The following CACNA1D variants were observed in gnomAD, a reference collection of about 807,000 sequenced individuals.
CACNA1D encodes the protein voltage-dependent L-type calcium channel subunit alpha-1D.
In CACNA1D, 55 loss-of-function variants were observed where a neutral mutation model predicts 257.1. The ratio of observed to expected loss-of-function variants is 0.21; its 90% confidence interval spans 0.17 to 0.27. CACNA1D has a LOEUF of 0.27. CACNA1D is among the 10% of genes least tolerant of loss of function. CACNA1D has a pLI of 1.00. For missense variants in CACNA1D, 1,876 were observed against 2,784.0 expected, an observed-to-expected ratio of 0.67 and a Z score of 7.34; for synonymous variants, 980 against 1,014.9, an observed-to-expected ratio of 0.97 and a Z score of 0.65.
At chr3:53,505,659 G>A (rs2090813084) in intron 3 of CACNA1D, among the ~76,000 whole-genome samples, 1 of 152,208 alleles carries the variant, frequency 6.6e-6, no homozygotes, top group Admixed American at 6.5e-5. Context: ...CCTTAGCTGG[G>A]AATGAGTGGG....
At chr3:53,520,878 CTTTCTTTCTTTCTTTCT>C (rs1463286893) in intron 3 of CACNA1D, among the ~76,000 whole-genome samples, 3 of 82,096 alleles carry the variant, frequency 3.7e-5, no homozygotes, top group African/African-American at 2.2e-4. Context: ...TTCTTTCTTT[CTTTCTTTCTTTCTTTCT>C]TTTCTTTTCT....
chr3:53,647,777 G>A (rs560514071), intron 3 of CACNA1D, among the ~76,000 whole-genome samples: 2 of 152,296 alleles, frequency 1.3e-5, no homozygotes, highest in South Asian at 4.1e-4. Flanking sequence ...ATTGAGGACC[G>A]GGATGACATT....
In CACNA1D at chr3:53,811,223, T is replaced by C. The variant is rs1559734235; in HGVS notation, c.6303T>C (p.Ser2101=). The part of the protein sequence containing the change: ...ACDLTIDEME[S]AASTLLNGNV... ...ACCTCACCATCGACGAGATGGAGAG[T>C]GCAGCCAGCACCCTGCTTAATGGGA... is the stretch of plus-strand genomic sequence containing the variant. The change falls in exon 48 of 48, where the codon AGT becomes AGC. Residue 2101 remains serine, a synonymous_variant. Transcript: ENST00000350061. This position sits in a 1 kb window ranked among gnomAD's most constrained non-coding sequence, Gnocchi z 4.2. 1 of 1,613,616 alleles carries C rather than the reference T, an allele frequency of 6.2e-7. No homozygotes were observed. The highest frequency in any genetic ancestry group is 8.5e-7 in the Non-Finnish European group (1 of 1,179,900).
intron 22 of CACNA1D, 125 bp downstream of exon 22, chr3:53,743,242 A>G: frequency 1.5e-6 from 1 of 679,386 alleles, no homozygotes; most frequent in South Asian, 1.8e-5. Context: ...GGTTTATTTA[A>G]TTTGCTCCCA....
intron 3 of CACNA1D, among the ~76,000 whole-genome samples, chr3:53,505,024 C>A (rs1023951916): frequency 6.6e-6 from 1 of 152,052 alleles, no homozygotes; most frequent in Non-Finnish European, 1.5e-5. Context: ...CAGCACTAAG[C>A]GCCCGGAGGC....
rs766104923 is a variant in CACNA1D at position 53,673,006 on chromosome 3, C to A, written c.1117-17C>A. 30 of 1,515,862 alleles carry A rather than the reference C, an allele frequency of 2.0e-5. No homozygotes were observed. The South Asian group carries it at 3.2e-4, about 16-fold the overall frequency. The allele number at this position is 1,515,862 out of a possible 1,614,324, so 93.9% of individuals were successfully genotyped here. On this transcript the variant is annotated splice_polypyrimidine_tract_variant and intron_variant, in intron 7 of 47. Coordinates refer to ENST00000350061, the MANE Select transcript of CACNA1D (RefSeq NM_001128840.3). This position sits in a 1 kb window ranked among gnomAD's most constrained non-coding sequence, Gnocchi z 4.1. ...TCTTATTAACCCACTCCTATGAGAC[C>A]ATCTTATTTCTTGCAGATGAATGAT... is the stretch of plus-strand genomic sequence containing the variant.
chr3:53,582,928 C>G (rs911346330), intron 3 of CACNA1D, among the ~76,000 whole-genome samples: 2 of 152,172 alleles, frequency 1.3e-5, no homozygotes, highest in Non-Finnish European at 2.9e-5. Context: ...TCAAAGATCT[C>G]TGTTACCCTT....
intron 40 of CACNA1D, among the ~76,000 whole-genome samples, chr3:53,798,307 G>GC (rs3836512): frequency 1.1e-5 from 1 of 89,010 alleles, no homozygotes; most frequent in African/African-American, 2.9e-5. Context: ...GTGTATGTGT[G>GC]CGTGTGTGTG....
chr3:53,770,634 A>T (rs2095361172), intron 32 of CACNA1D, 82 bp downstream of exon 32: 3 of 1,385,372 alleles, frequency 2.2e-6, no homozygotes, highest in Non-Finnish European at 3.1e-6. Flanking sequence ...TAGAGGACCC[A>T]GGCTCCCCCT....
intron 3 of CACNA1D, among the ~76,000 whole-genome samples, chr3:53,616,922 G>A (rs1478360717): frequency 6.6e-6 from 1 of 152,138 alleles, no homozygotes; most frequent in Non-Finnish European, 1.5e-5. Context: ...GGGTTGAGGG[G>A]AAAGAATGGT....
intron 3 of CACNA1D, among the ~76,000 whole-genome samples, chr3:53,572,840 G>A (rs1442404095): frequency 1.3e-5 from 2 of 152,244 alleles, no homozygotes; most frequent in East Asian, 1.9e-4. Context: ...ACAAAGCTGA[G>A]CATGTTCCCC....
At chr3:53,737,074 G>A (rs138811317) in intron 20 of CACNA1D, among the ~76,000 whole-genome samples, 115 of 152,094 alleles carry the variant, frequency 7.6e-4, no homozygotes, top group African/African-American at 2.5e-3. Flanking sequence ...CGAAGTGGGT[G>A]GATCGCTTGA....
Position 53,810,180 on chromosome 3 carries a change from A to G in CACNA1D, c.6074A>G (p.Tyr2025Cys). The G allele has an allele frequency of 6.2e-7, 1 of 1,613,976 alleles. No homozygotes were observed. The highest frequency in any genetic ancestry group is 8.5e-7 in the Non-Finnish European group (1 of 1,180,016). Residue 2025 changes from tyrosine (Y) to cysteine (C), a missense_variant, in exon 47 of 48, where the codon TAC (tyrosine) becomes TGC (cysteine). By Grantham distance (194) the Tyr-to-Cys change is radical. This residue lies in a region of CACNA1D where 491 missense variants were observed against 554.3 expected (regional missense o/e 0.89). Transcript: ENST00000350061. ...CCGTCCCTGCACCGCAGCTCCTGGT[A>G]CACAGACGAGCCCGACATCTCCTAC... The part of the protein sequence containing the change: ...SLPSLHRSSW[Y>C]TDEPDISYRT...
intron 3 of CACNA1D, among the ~76,000 whole-genome samples, chr3:53,508,098 C>G (rs1005451027): frequency 1.3e-5 from 2 of 152,174 alleles, no homozygotes; most frequent in Non-Finnish European, 2.9e-5. Flanking sequence ...ACATCTTCCT[C>G]AGCTCATTTT....
At chr3:53,603,686 C>CAAGT (rs2093472976) in intron 3 of CACNA1D, among the ~76,000 whole-genome samples, 1 of 152,150 alleles carries the variant, frequency 6.6e-6, no homozygotes, top group Non-Finnish European at 1.5e-5. Context: ...ATAAAACTGG[C>CAAGT]AAGTTATTGA....
chr3:53,507,978 G>GA (rs930437902), intron 3 of CACNA1D, among the ~76,000 whole-genome samples: 1 of 49,000 alleles, frequency 2.0e-5, no homozygotes, highest in Non-Finnish European at 6.1e-5. Flanking sequence ...CAGCTGGAAA[G>GA]GGGGGGCTGA....
chr3:53,676,249 T>C (rs948756907), intron 8 of CACNA1D, among the ~76,000 whole-genome samples: 1 of 152,200 alleles, frequency 6.6e-6, no homozygotes, highest in Non-Finnish European at 1.5e-5. Flanking sequence ...TGGGCTGGCA[T>C]GCCTCCACCT....
chr3:53,559,794 T>G (rs1245162506), intron 3 of CACNA1D, among the ~76,000 whole-genome samples: 1 of 152,190 alleles, frequency 6.6e-6, no homozygotes, highest in Non-Finnish European at 1.5e-5. Flanking sequence ...GCGAGGAATT[T>G]AGTTCCTCTG....
intron 3 of CACNA1D, among the ~76,000 whole-genome samples, chr3:53,503,710 T>G (rs2090699362): frequency 6.6e-6 from 1 of 152,138 alleles, no homozygotes; most frequent in African/African-American, 2.4e-5. Context: ...AATCTTTCCC[T>G]TTTGCACCCC....
Sources: allele counts gnomAD v4.1 joint callset (sites outside exome capture counted in the v4.1 genomes callset), GRCh38; gene constraint gnomAD v4.1.1; regional missense constraint gnomAD v4.1.1; non-coding constraint Gnocchi (gnomAD v3.1); transcripts MANE v1.5; gene names NCBI Gene and HGNC (gene_info 2026-07-23, HGNC 2026-07-21).